The following EPC2 variants were observed in gnomAD, a reference collection of about 807,000 sequenced individuals.
EPC2 encodes enhancer of polycomb homolog 2.
Under a neutral mutation model 92.1 loss-of-function variants are expected in EPC2, and 14 were observed. That is an observed-to-expected ratio of 0.15 (90% CI 0.10 to 0.24). The LOEUF is 0.24. EPC2 is among the 10% of genes least tolerant of loss of function. The pLI, the probability that EPC2 is intolerant of heterozygous loss-of-function variation, is 1.00. For synonymous variants in EPC2, 340 were observed against 334.7 expected (o/e 1.02, Z -0.17); for missense variants, 755 against 971.5 (o/e 0.78, Z 2.96).
At chr2:148,653,934 G>T (rs1035121082) in intron 1 of EPC2, among the ~76,000 whole-genome samples, 5 of 149,092 alleles carry the variant, frequency 3.4e-5, no homozygotes, top group African/African-American at 4.9e-5. Context: ...TAGTTTTAAA[G>T]ATTACTTTTT....
intron 1 of EPC2, among the ~76,000 whole-genome samples, chr2:148,661,900 G>A (rs1680942664): frequency 1.3e-5 from 2 of 152,014 alleles, no homozygotes; most frequent in Admixed American, 1.3e-4. Context: ...GTAATGAGGT[G>A]TTACTCTTTT....
At chr2:148,694,804 G>A (rs1000596194) in intron 2 of EPC2, among the ~76,000 whole-genome samples, 1 of 152,076 alleles carries the variant, frequency 6.6e-6, no homozygotes, top group South Asian at 2.1e-4. Flanking sequence ...TTGCTCTGTT[G>A]CCCAGGCTGG....
chr2:148,647,707 A>G (rs1035608446), intron 1 of EPC2, among the ~76,000 whole-genome samples: 1 of 136,446 alleles, frequency 7.3e-6, no homozygotes, highest in African/African-American at 2.8e-5. Context: ...ATCTCAGCTC[A>G]CTGCAACCTT....
At chr2:148,690,690 A>T (rs1681627591) in intron 2 of EPC2, among the ~76,000 whole-genome samples, 1 of 151,666 alleles carries the variant, frequency 6.6e-6, no homozygotes, top group East Asian at 1.9e-4. Context: ...TTTGAGACAG[A>T]GTCTCTCTGT....
chr2:148,780,374 T>C (rs370954841), intron 10 of EPC2, among the ~76,000 whole-genome samples: 1 of 152,170 alleles, frequency 6.6e-6, no homozygotes, highest in African/African-American at 2.4e-5. Flanking sequence ...AAATAGACTG[T>C]ACTAGGCATA....
At chr2:148,666,388 C>T (rs1453431137) in intron 1 of EPC2, among the ~76,000 whole-genome samples, 3 of 152,186 alleles carry the variant, frequency 2.0e-5, no homozygotes, top group African/African-American at 7.2e-5. Context: ...AAGTTATCCT[C>T]CTGCCTTGGC....
At chr2:148,772,639 G>A (rs1368592563) in intron 10 of EPC2, among the ~76,000 whole-genome samples, 1 of 152,086 alleles carries the variant, frequency 6.6e-6, no homozygotes, top group Non-Finnish European at 1.5e-5. Context: ...TATCCAAATT[G>A]GTTGGTTAAT....
At chr2:148,694,696 T>C (rs1280768678) in intron 2 of EPC2, among the ~76,000 whole-genome samples, 1 of 152,210 alleles carries the variant, frequency 6.6e-6, no homozygotes, top group Non-Finnish European at 1.5e-5. Context: ...TTATTTAATA[T>C]GATAACATTT....
intron 4 of EPC2, among the ~76,000 whole-genome samples, chr2:148,757,487 A>G (rs1324017758): frequency 2.0e-5 from 3 of 152,194 alleles, no homozygotes; most frequent in Non-Finnish European, 4.4e-5. Context: ...GAGAGTCTCT[A>G]GAAGCAGTGA....
At position 148,784,871 on chromosome 2, in the gene EPC2, C is replaced by T; in HGVS notation, c.2221C>T (p.Pro741Ser). Residue 741 changes from proline to serine, a missense_variant, in exon 13 of 14, where the codon CCA becomes TCA. This residue lies in a region of EPC2 where 207 missense variants were observed against 260.5 expected (regional missense o/e 0.79). Transcript: ENST00000258484. ...VHLNNVSVVS[P>S]VNVHINTRTS... is the part of the protein sequence containing the mutation. ...CCTCAATAATGTCAGTGTTGTTTCT[C>T]CAGTCAATGTGCATATCAATACACG... 1 of 1,612,812 alleles carries T rather than the reference C, an allele frequency of 6.2e-7. No homozygotes were observed. Among genetic ancestry groups the T allele is most frequent in the Non-Finnish European group, 8.5e-7 (1 of 1,179,302 alleles).
rs189314237 is a variant in EPC2 at position 148,660,055 on chromosome 2, A to C, written c.153+14885A>C. Among the ~76,000 whole-genome samples the C allele has an allele frequency of 3.6e-3, 554 of 152,258 alleles. 15 individuals are homozygous for C. Among genetic ancestry groups the C allele is most frequent in the Admixed American group, 0.035 (528 of 15,280 alleles). On this transcript the variant is annotated intron_variant, in intron 1 of 13. Transcript: ENST00000258484. Reference sequence around the variant, plus strand: ...TAAAAAAATTCAGAATATGCAGAAAAAGTGTGAAGAAGAAAACACAAATCC... The same window carrying C: ...TAAAAAAATTCAGAATATGCAGAAACAGTGTGAAGAAGAAAACACAAATCC...
intron 1 of EPC2, among the ~76,000 whole-genome samples, chr2:148,673,063 T>G (rs1275143408): frequency 6.6e-6 from 1 of 152,242 alleles, no homozygotes. Flanking sequence ...GATAAATCTA[T>G]GAGCTCTCCC....
At chr2:148,723,218 C>T (rs1007411273) in intron 2 of EPC2, among the ~76,000 whole-genome samples, 22 of 152,214 alleles carry the variant, frequency 1.4e-4, no homozygotes, top group Admixed American at 1.2e-3. Context: ...AAAATTGTTT[C>T]TCTTGATTGC....
intron 2 of EPC2, among the ~76,000 whole-genome samples, chr2:148,719,180 A>G (rs1574602838): frequency 6.6e-6 from 1 of 152,138 alleles, no homozygotes; most frequent in Admixed American, 6.5e-5. Context: ...GCATTGGGTT[A>G]AAACATGCTC....
intron 3 of EPC2, among the ~76,000 whole-genome samples, chr2:148,745,248 C>G (rs564212469): frequency 1.3e-5 from 2 of 151,994 alleles, no homozygotes; most frequent in Admixed American, 6.6e-5. Context: ...TCTTAGCAAT[C>G]CTAGGCTGGA....
intron 1 of EPC2, among the ~76,000 whole-genome samples, chr2:148,686,271 A>G (rs966213469): frequency 1.3e-5 from 2 of 152,240 alleles, no homozygotes; most frequent in Non-Finnish European, 2.9e-5. Flanking sequence ...CATCCATAAG[A>G]AACAACTCCT....
chr2:148,731,514 G>A (rs768828445), intron 2 of EPC2, among the ~76,000 whole-genome samples: 7 of 151,962 alleles, frequency 4.6e-5, no homozygotes, highest in Non-Finnish European at 7.4e-5. Flanking sequence ...GCCATTCTCC[G>A]GTCTCAGCTT....
intron 2 of EPC2, among the ~76,000 whole-genome samples, chr2:148,728,896 G>T (rs1682557943): frequency 1.3e-5 from 2 of 151,478 alleles, no homozygotes; most frequent in African/African-American, 4.9e-5. Context: ...GCCGGGCATG[G>T]TGGTGGGCGC....
At chr2:148,691,097 C>G (rs1681636388) in intron 2 of EPC2, among the ~76,000 whole-genome samples, 1 of 152,122 alleles carries the variant, frequency 6.6e-6, no homozygotes, top group Non-Finnish European at 1.5e-5. Flanking sequence ...CTCCTTAATA[C>G]TCTTACTTTT....
Sources: gnomAD v4.1 joint callset for allele counts (sites outside exome capture counted in the v4.1 genomes callset) on GRCh38, gnomAD v4.1.1 for gene constraint, gnomAD v4.1.1 regional missense constraint, MANE v1.5 for transcripts, NCBI Gene and HGNC (gene_info 2026-07-23, HGNC 2026-07-21) for gene names.